Variants in GPC5 observed in about 807,000 individuals in gnomAD.
The protein encoded by GPC5 is glypican-5.
Under a neutral mutation model 53.9 loss-of-function variants are expected in GPC5, and 47 were observed. That is an observed-to-expected ratio of 0.87 (90% CI 0.69 to 1.11). GPC5 has a LOEUF of 1.11. Ranked by LOEUF, GPC5 falls within the 50% of genes most tolerant of loss-of-function variation. GPC5 has a pLI of 0.00. For synonymous variants in GPC5, 286 were observed against 263.3 expected, an observed-to-expected ratio of 1.09 and a Z score of -0.84; for missense variants, 748 against 713.1, an observed-to-expected ratio of 1.05 and a Z score of -0.56.
chr13:92,595,434 A>T (rs1265669357), intron 7 of GPC5, among the ~76,000 whole-genome samples: 2 of 152,168 alleles, frequency 1.3e-5, no homozygotes, highest in Non-Finnish European at 2.9e-5. Flanking sequence ...ATGTAAACCT[A>T]CAATTATGAG....
chr13:91,466,725 T>TG (rs1163023773), intron 2 of GPC5, among the ~76,000 whole-genome samples: 1 of 151,894 alleles, frequency 6.6e-6, no homozygotes, highest in African/African-American at 2.4e-5. Flanking sequence ...GGTGATGGAG[T>TG]GGGACTGGGG....
At chr13:92,437,198 T>C (rs2139381076) in intron 7 of GPC5, among the ~76,000 whole-genome samples, 1 of 152,250 alleles carries the variant, frequency 6.6e-6, no homozygotes, top group South Asian at 2.1e-4. Context: ...CCCAGGGATG[T>C]ATGTGGGAGA....
intron 7 of GPC5, among the ~76,000 whole-genome samples, chr13:92,183,547 A>G (rs967575012): frequency 2.0e-5 from 3 of 152,204 alleles, no homozygotes; most frequent in Non-Finnish European, 4.4e-5. Context: ...TAAAATAACA[A>G]TTAAAATATA....
chr13:92,430,204 T>A, intron 7 of GPC5, among the ~76,000 whole-genome samples: 1 of 152,216 alleles, frequency 6.6e-6, no homozygotes, highest in South Asian at 2.1e-4. Flanking sequence ...CTATCCTGTT[T>A]AGAATGCTTG....
intron 7 of GPC5, among the ~76,000 whole-genome samples, chr13:92,364,605 C>CTGTA: frequency 6.6e-6 from 1 of 151,754 alleles, no homozygotes; most frequent in South Asian, 2.1e-4. Context: ...TGGCAAGAAC[C>CTGTA]TGTAGTCCCA....
At chr13:92,786,115 G>T (rs1876223529) in intron 7 of GPC5, among the ~76,000 whole-genome samples, 1 of 146,146 alleles carries the variant, frequency 6.8e-6, no homozygotes, top group African/African-American at 2.5e-5. Flanking sequence ...CGATTAATTT[G>T]GCCAGTTTAC....
At chr13:92,558,197 C>T (rs1882566632) in intron 7 of GPC5, among the ~76,000 whole-genome samples, 1 of 152,080 alleles carries the variant, frequency 6.6e-6, no homozygotes, top group South Asian at 2.1e-4. Flanking sequence ...TACAGGACTT[C>T]AGGAAAGCTG....
chr13:92,463,696 A>G (rs1447750637), intron 7 of GPC5, among the ~76,000 whole-genome samples: 1 of 152,132 alleles, frequency 6.6e-6, no homozygotes, highest in African/African-American at 2.4e-5. Context: ...ATATTTGGTA[A>G]CTTTATTTAC....
chr13:91,535,682 T>TA (rs1328062360), intron 2 of GPC5, among the ~76,000 whole-genome samples: 3 of 152,048 alleles, frequency 2.0e-5, no homozygotes, highest in Admixed American at 6.5e-5. Context: ...CGAATATACA[T>TA]AAAAAAATGG....
chr13:92,476,574 G>A (rs886621931), intron 7 of GPC5, among the ~76,000 whole-genome samples: 1 of 150,734 alleles, frequency 6.6e-6, no homozygotes, highest in Non-Finnish European at 1.5e-5. Flanking sequence ...AAATCATGCT[G>A]CTATAAAGAC....
chr13:92,200,451 A>G (rs1167113225), intron 7 of GPC5, among the ~76,000 whole-genome samples: 3 of 152,254 alleles, frequency 2.0e-5, no homozygotes, highest in Non-Finnish European at 4.4e-5. Flanking sequence ...ACTCGAATGT[A>G]CTTAAGCAAA....
chr13:91,774,055 G>GT (rs2037669513), intron 5 of GPC5, among the ~76,000 whole-genome samples: 1 of 151,914 alleles, frequency 6.6e-6, no homozygotes, highest in Non-Finnish European at 1.5e-5. Context: ...TAAAAGTTTT[G>GT]TAACAGCCAG....
intron 7 of GPC5, among the ~76,000 whole-genome samples, chr13:92,727,885 G>A: frequency 6.6e-6 from 1 of 151,308 alleles, no homozygotes; most frequent in Non-Finnish European, 1.5e-5. Context: ...TTCTCTAACA[G>A]TCAGTTTACT....
intron 4 of GPC5, among the ~76,000 whole-genome samples, chr13:91,749,665 A>C (rs540492264): frequency 2.0e-4 from 30 of 152,350 alleles, no homozygotes; most frequent in African/African-American, 6.7e-4. Flanking sequence ...AGAAATCTCC[A>C]TACCATTTTC....
At chr13:91,719,887 C>A (rs1187025340) in intron 3 of GPC5, among the ~76,000 whole-genome samples, 1 of 151,790 alleles carries the variant, frequency 6.6e-6, no homozygotes, top group African/African-American at 2.4e-5. Context: ...TGATCTAGTA[C>A]CTTCAAAGCA....
At chr13:92,155,253 A>T (rs938303554) in intron 7 of GPC5, among the ~76,000 whole-genome samples, 2 of 151,306 alleles carry the variant, frequency 1.3e-5, no homozygotes, top group Non-Finnish European at 2.9e-5. Flanking sequence ...CTTTCCTTCC[A>T]TTTTTTTTCA....
At chr13:92,267,205 C>T (rs1369954251) in intron 7 of GPC5, among the ~76,000 whole-genome samples, 2 of 152,034 alleles carry the variant, frequency 1.3e-5, no homozygotes, top group Admixed American at 6.6e-5. Context: ...TTCCTCCATA[C>T]ATCCTGGCTA....
At chr13:92,329,306 G>A (rs576176395) in intron 7 of GPC5, among the ~76,000 whole-genome samples, 1 of 152,236 alleles carries the variant, frequency 6.6e-6, no homozygotes, top group South Asian at 2.1e-4. Context: ...GAAAGATGAA[G>A]CTAAAGCAGG....
chr13:92,054,928 T>C (rs1034690282), intron 6 of GPC5, among the ~76,000 whole-genome samples: 1 of 152,204 alleles, frequency 6.6e-6, no homozygotes, highest in African/African-American at 2.4e-5. Flanking sequence ...TTTATGGGTA[T>C]CCCATATATG....
Sources: allele counts gnomAD v4.1 joint callset (sites outside exome capture counted in the v4.1 genomes callset), GRCh38; gene constraint gnomAD v4.1.1; transcripts MANE v1.5; gene names NCBI Gene and HGNC (gene_info 2026-07-23, HGNC 2026-07-21).